Variants in RYR2 observed in about 807,000 individuals in gnomAD.
RYR2 encodes the protein cardiac muscle ryanodine receptor-calcium release channel.
RYR2 carries 227 observed loss-of-function variants against 601.1 expected under a neutral mutation model. That is an observed-to-expected ratio of 0.38 (90% CI 0.34 to 0.42). The LOEUF (loss-of-function observed/expected upper bound fraction) is 0.42, where lower values mean the gene tolerates loss of function less well. RYR2 is among the 10% of genes least tolerant of loss of function. The pLI is 1.00. For missense variants in RYR2, 4,646 were observed against 6,156.5 expected (o/e 0.75, Z 8.21); for synonymous variants, 2,223 against 2,175.1 (o/e 1.02, Z -0.61).
At chr1:237,785,874 T>A (rs1465274383) in intron 90 of RYR2, 95 bp from the exon 91 acceptor site, 8 of 863,564 alleles carry the variant, frequency 9.3e-6, no homozygotes, top group Non-Finnish European at 1.5e-5. Flanking sequence ...GTATCTTATA[T>A]AGGTTATGGT....
At chr1:237,273,891 A>G (rs1030223138) in intron 2 of RYR2, among the ~76,000 whole-genome samples, 7 of 147,694 alleles carry the variant, frequency 4.7e-5, no homozygotes, top group African/African-American at 1.7e-4. Context: ...ATTATAAATG[A>G]TATAATAAAC....
intron 10 of RYR2, among the ~76,000 whole-genome samples, chr1:237,412,925 ACT>A (rs765224107): frequency 1.3e-5 from 2 of 151,936 alleles, no homozygotes; most frequent in Non-Finnish European, 2.9e-5. Flanking sequence ...GTCCTCCTAG[ACT>A]CTGATTTGAT....
intron 2 of RYR2, among the ~76,000 whole-genome samples, chr1:237,308,600 C>T (rs12729454): frequency 0.34 from 51,297 of 151,856 alleles, 8,884 homozygotes; most frequent in South Asian, 0.51. Context: ...CTTTCTGATG[C>T]TCAGATGTGT....
chr1:237,406,151 T>TCCC lies in RYR2; in HGVS notation c.774-10896_774-10894dup, dbSNP rs1302254798. Among the ~76,000 whole-genome samples the TCCC allele has an allele frequency of 3.9e-3, 99 of 25,230 alleles. 3 individuals carry two copies. The highest frequency in any genetic ancestry group is 0.016 in the African/African-American group (94 of 5,896). 16.6% of individuals were successfully genotyped at this position (25,230 alleles called of 152,430 possible). Reference sequence around the variant, plus strand: ...ATTTATGTCCTTTCATCCCCTCCCCTCCCCTTCCCTTCCCTTCCCTTCCCT... The same window carrying TCCC: ...ATTTATGTCCTTTCATCCCCTCCCCTCCCCCCCTTCCCTTCCCTTCCCTTCCCT... On this transcript the variant is annotated intron_variant, in intron 10 of 104. Transcript: ENST00000366574.
intron 12 of RYR2, among the ~76,000 whole-genome samples, chr1:237,433,089 T>C (rs1234348535): frequency 1.3e-5 from 2 of 151,972 alleles, no homozygotes; most frequent in South Asian, 2.1e-4. Context: ...TTGTGTAATA[T>C]TTTACCCAAT....
At chr1:237,342,190 C>T (rs1003421991) in intron 3 of RYR2, among the ~76,000 whole-genome samples, 1 of 151,170 alleles carries the variant, frequency 6.6e-6, no homozygotes, top group Non-Finnish European at 1.5e-5. Context: ...GCTCTGTTAT[C>T]CATGCTGGAG....
chr1:237,817,732 A>G (rs1661991271), intron 100 of RYR2, among the ~76,000 whole-genome samples: 1 of 152,196 alleles, frequency 6.6e-6, no homozygotes, highest in Non-Finnish European at 1.5e-5. Context: ...CTACAGGGAG[A>G]TGAGGAAGAT....
intron 1 of RYR2, among the ~76,000 whole-genome samples, chr1:237,228,242 T>G (rs751592234): frequency 2.6e-5 from 4 of 152,228 alleles, no homozygotes; most frequent in Admixed American, 1.3e-4. Flanking sequence ...TTTTTATTCC[T>G]GAGTTACTTC....
chr1:237,198,747 T>G (rs1280512815), intron 1 of RYR2, among the ~76,000 whole-genome samples: 2 of 152,152 alleles, frequency 1.3e-5, no homozygotes, highest in Non-Finnish European at 2.9e-5. Context: ...AGACTTTATT[T>G]TGAAATCCAC....
At position 237,569,362 on chromosome 1, in the gene RYR2, A is replaced by G. The variant is rs190141594; in HGVS notation, c.3598+43A>G. 1.9e-4 allele frequency: 302 copies of G among 1,582,002 alleles called. No individual in the cohort carries two copies. In the African/African-American group the frequency reaches 3.5e-3, roughly 18 times the overall value. ...TGTGTTTTTTTTAAGTTTGCAGCAC[A>G]AGGAAGCTTTCATCCTGAGGCTTCC... On this transcript the variant is annotated intron_variant, in intron 29 of 104. Transcript: ENST00000366574.
chr1:237,241,032 A>G (rs1383344413), intron 1 of RYR2, among the ~76,000 whole-genome samples: 1 of 152,200 alleles, frequency 6.6e-6, no homozygotes, highest in Non-Finnish European at 1.5e-5. Flanking sequence ...CCAAACTGTA[A>G]TTGTTAGATT....
chr1:237,642,983 G>A (rs1201916996), intron 47 of RYR2, among the ~76,000 whole-genome samples: 5 of 152,094 alleles, frequency 3.3e-5, no homozygotes, highest in Admixed American at 3.3e-4. Context: ...TTATTGATAG[G>A]TATTTACATG....
At chr1:237,480,438 TCAA>T (rs1661922782) in intron 17 of RYR2, among the ~76,000 whole-genome samples, 1 of 151,888 alleles carries the variant, frequency 6.6e-6, no homozygotes, top group African/African-American at 2.4e-5. Flanking sequence ...TATCTGGCAT[TCAA>T]CATTTTCTTA....
chr1:237,810,457 G>A (rs560952577), intron 100 of RYR2, among the ~76,000 whole-genome samples: 8 of 152,280 alleles, frequency 5.3e-5, no homozygotes, highest in African/African-American at 1.2e-4. Flanking sequence ...AAGTATTCAC[G>A]TTTGTTAAAA....
chr1:237,415,489 A>G (rs1361697754), intron 10 of RYR2, among the ~76,000 whole-genome samples: 1 of 152,218 alleles, frequency 6.6e-6, no homozygotes, highest in Admixed American at 6.5e-5. Flanking sequence ...GGAAGTAGAA[A>G]CACCAATTTG....
intron 1 of RYR2, among the ~76,000 whole-genome samples, chr1:237,124,923 G>A (rs1354399179): frequency 6.6e-6 from 1 of 152,164 alleles, no homozygotes; most frequent in Non-Finnish European, 1.5e-5. Flanking sequence ...TGCTATTCAT[G>A]CAGCAGGTGA....
chr1:237,792,398 CGTGTGTGTGTGTGTGTGTGT>C, intron 94 of RYR2, 75 bp downstream of exon 94: 1 of 487,498 alleles, frequency 2.1e-6, no homozygotes, highest in Non-Finnish European at 3.3e-6. Context: ...TGTGTGTGTG[CGTGTGTGTGTGTGTGTGTGT>C]GTGTGTTTTG....
intron 1 of RYR2, among the ~76,000 whole-genome samples, chr1:237,065,125 G>A (rs1663405371): frequency 6.6e-6 from 1 of 152,034 alleles, no homozygotes; most frequent in Admixed American, 6.6e-5. Flanking sequence ...ACATAATATA[G>A]TACAATATTA....
At chr1:237,223,359 C>T (rs949220154) in intron 1 of RYR2, among the ~76,000 whole-genome samples, 1 of 152,190 alleles carries the variant, frequency 6.6e-6, no homozygotes, top group Non-Finnish European at 1.5e-5. Flanking sequence ...GAGGGAAGAA[C>T]ACTCATGGCT....
Sources: allele counts gnomAD v4.1 joint callset (sites outside exome capture counted in the v4.1 genomes callset), GRCh38; gene constraint gnomAD v4.1.1; transcripts MANE v1.5; gene names NCBI Gene and HGNC (gene_info 2026-07-23, HGNC 2026-07-21).